The following AGPAT5 variants were observed in gnomAD, a reference collection of about 807,000 sequenced individuals.
AGPAT5 encodes 1-acyl-sn-glycerol-3-phosphate acyltransferase epsilon.
A neutral mutation model predicts 45.6 loss-of-function variants in AGPAT5; 46 were observed. The observed-to-expected ratio is 1.01, with a 90% CI of 0.80 to 1.29. AGPAT5 has a LOEUF of 1.29. Ranked by LOEUF, AGPAT5 falls within the 50% of genes most tolerant of loss-of-function variation. The pLI is 0.00. For synonymous variants in AGPAT5, 272 were observed against 167.0 expected (o/e 1.63, Z -4.85); for missense variants, 673 against 450.7 (o/e 1.49, Z -4.47).
intron 4 of AGPAT5, 91 bp from the exon 5 acceptor site, chr8:6,741,570 T>C: frequency 2.4e-6 from 2 of 818,108 alleles, no homozygotes; most frequent in East Asian, 2.6e-5. Context: ...GGAAATACTC[T>C]GTTAGCATTA....
At chr8:6,731,991 A>C (rs1321337451) in intron 3 of AGPAT5, among the ~76,000 whole-genome samples, 1 of 152,138 alleles carries the variant, frequency 6.6e-6, no homozygotes, top group African/African-American at 2.4e-5. Flanking sequence ...AGAGACTGCT[A>C]AGGTCCCACT....
intron 1 of AGPAT5, among the ~76,000 whole-genome samples, chr8:6,711,863 T>C (rs1425066845): frequency 2.0e-5 from 3 of 152,192 alleles, no homozygotes; most frequent in Non-Finnish European, 4.4e-5. Context: ...ACTCTCCCTT[T>C]CTCTTAGAAG....
chr8:6,750,236 T>C (rs1040631222), intron 6 of AGPAT5, among the ~76,000 whole-genome samples: 3 of 152,196 alleles, frequency 2.0e-5, no homozygotes, highest in Non-Finnish European at 4.4e-5. Context: ...GCTCTGCCTT[T>C]CTCTCTTCCC....
chr8:6,725,244 G>A (rs182918403), intron 2 of AGPAT5, among the ~76,000 whole-genome samples: 11 of 152,238 alleles, frequency 7.2e-5, no homozygotes, highest in African/African-American at 2.4e-4. Context: ...TGTAAGTGAT[G>A]TTTCTAGAAG....
chr8:6,717,951 C>T (rs1800384841), intron 1 of AGPAT5, among the ~76,000 whole-genome samples: 1 of 152,150 alleles, frequency 6.6e-6, no homozygotes, highest in African/African-American at 2.4e-5. Flanking sequence ...CAGTGAGAAA[C>T]CTAGGTGTAA....
Position 6,757,189 on chromosome 8 carries a change from C to G in AGPAT5, c.896C>G (p.Pro299Arg). 1.2e-6 allele frequency: 2 copies of G among 1,613,682 alleles called. No individual in the cohort carries two copies. The highest frequency in any genetic ancestry group is 2.2e-5 in the South Asian group (2 of 91,014). The change falls in exon 8 of 8, where the codon CCA becomes CGA. Residue 299 changes from proline to arginine, a missense_variant. Pro to Arg is a moderately radical substitution (Grantham distance 103, BLOSUM62 -2). Transcript: ENST00000285518. ...ATGCTTATAGAATTTTATGAGTCAC[C>G]AGATCCAGAAAGAAGAAAAAGATTT... Reference protein sequence around the residue: ...DKMLIEFYESPDPERRKRFPG... With the variant: ...DKMLIEFYESRDPERRKRFPG...
At chr8:6,735,114 G>A (rs1293911627) in intron 4 of AGPAT5, among the ~76,000 whole-genome samples, 1 of 152,178 alleles carries the variant, frequency 6.6e-6, no homozygotes, top group Non-Finnish European at 1.5e-5. Flanking sequence ...GCTTCTGGCT[G>A]TAAGTCTGTG....
intron 6 of AGPAT5, among the ~76,000 whole-genome samples, chr8:6,750,950 C>T (rs757522873): frequency 2.0e-5 from 3 of 152,104 alleles, no homozygotes; most frequent in Non-Finnish European, 2.9e-5. Flanking sequence ...AACATGTATA[C>T]GTGTGCACAT....
intron 6 of AGPAT5, among the ~76,000 whole-genome samples, chr8:6,752,203 A>C (rs1801679486): frequency 1.3e-5 from 2 of 152,152 alleles, no homozygotes; most frequent in Admixed American, 6.6e-5. Context: ...GGAAGAGGGG[A>C]TTACAGATAA....
chr8:6,709,034 T>G (rs1800042894), intron 1 of AGPAT5, 147 bp downstream of exon 1: 2 of 787,120 alleles, frequency 2.5e-6, no homozygotes, highest in Non-Finnish European at 4.3e-6. Context: ...CGCCTTCCTC[T>G]CCGCATGCTT....
intron 1 of AGPAT5, among the ~76,000 whole-genome samples, chr8:6,722,991 A>G (rs1288982212): frequency 6.6e-6 from 1 of 152,222 alleles, no homozygotes; most frequent in Non-Finnish European, 1.5e-5. Context: ...GAAGTGACAA[A>G]TTATTTGCAG....
chr8:6,736,708 C>T (rs1366790511), intron 4 of AGPAT5, among the ~76,000 whole-genome samples: 1 of 152,228 alleles, frequency 6.6e-6, no homozygotes, highest in Non-Finnish European at 1.5e-5. Flanking sequence ...TGGGCCCCAC[C>T]CAAACGAGAT....
rs369113566 is a variant in AGPAT5, at chr8:6,734,859, C to T, written c.495+2209C>T. Reference sequence around the variant, plus strand: ...CTCACAGCTTCAGGTTTCTGTAGAACTCATTACTTTGTTTGTAGGTTGGGG... The same window carrying T: ...CTCACAGCTTCAGGTTTCTGTAGAATTCATTACTTTGTTTGTAGGTTGGGG... On this transcript the variant is annotated intron_variant, in intron 4 of 7. Transcript: ENST00000285518. Among the ~76,000 whole-genome samples, 26 of 152,126 alleles carry T rather than the reference C, an allele frequency of 1.7e-4. 1 individual carries two copies. The highest frequency in any genetic ancestry group is 1.1e-3 in the Admixed American group (17 of 15,290).
chr8:6,708,725 C>A lies in AGPAT5; in HGVS notation c.57C>A (p.Val19=). 1 of 1,607,036 alleles carries A rather than the reference C, an allele frequency of 6.2e-7. No individual in the cohort carries two copies. The highest frequency in any genetic ancestry group is 8.5e-7 in the Non-Finnish European group (1 of 1,179,652). ...TYSMRYLLPS[V]VLLGTAPTYV... ...CCATGCGCTACCTGCTGCCCAGCGT[C>A]GTGCTCCTGGGCACGGCGCCCACCT... The change falls in exon 1 of 8, where the codon GTC becomes GTA. Residue 19 remains valine, a synonymous_variant. Transcript: ENST00000285518.
chr8:6,730,649 C>T (rs1019580232), intron 2 of AGPAT5, 62 bp from the exon 3 acceptor site: 11 of 991,772 alleles, frequency 1.1e-5, no homozygotes, highest in African/African-American at 1.7e-5. Context: ...CTTTTGAAGC[C>T]CATTCATAGT....
At chr8:6,734,923 A>G (rs918440215) in intron 4 of AGPAT5, among the ~76,000 whole-genome samples, 1 of 151,996 alleles carries the variant, frequency 6.6e-6, no homozygotes, top group Non-Finnish European at 1.5e-5. Context: ...TGTCTATTTC[A>G]CACTCAGCGT....
intron 2 of AGPAT5, among the ~76,000 whole-genome samples, chr8:6,730,090 T>C (rs1038443237): frequency 9.9e-5 from 15 of 151,938 alleles, no homozygotes; most frequent in Non-Finnish European, 1.6e-4. Flanking sequence ...ATTTCCCCTT[T>C]CTCATTAAAA....
intron 5 of AGPAT5, among the ~76,000 whole-genome samples, chr8:6,743,969 C>T (rs1801333456): frequency 6.6e-6 from 1 of 151,946 alleles, no homozygotes; most frequent in Non-Finnish European, 1.5e-5. Context: ...TCTTTCAAAA[C>T]AGGAGAACAA....
intron 4 of AGPAT5, among the ~76,000 whole-genome samples, chr8:6,737,603 G>C (rs1431617993): frequency 6.6e-6 from 1 of 152,190 alleles, no homozygotes; most frequent in Non-Finnish European, 1.5e-5. Context: ...CATTTTGTTA[G>C]ACTATGAGCT....
Sources: allele counts gnomAD v4.1 joint callset (sites outside exome capture counted in the v4.1 genomes callset), GRCh38; gene constraint gnomAD v4.1.1; transcripts MANE v1.5; gene names NCBI Gene and HGNC (gene_info 2026-07-23, HGNC 2026-07-21).